Variants in TAF4B observed in about 807,000 individuals in gnomAD.
The protein encoded by TAF4B is TATA-box binding protein associated factor 4b.
In TAF4B, 38 loss-of-function variants were observed where a neutral mutation model predicts 86.4. The observed-to-expected ratio is 0.44, with a 90% CI of 0.34 to 0.58. TAF4B has a LOEUF of 0.58. TAF4B is among the 20% of genes least tolerant of loss of function. The pLI is 0.02. For missense variants in TAF4B, 988 were observed against 1,027.6 expected (o/e 0.96, Z 0.53); for synonymous variants, 388 against 391.2 (o/e 0.99, Z 0.10).
chr18:26,253,690 G>T (rs1218805473), intron 1 of TAF4B, among the ~76,000 whole-genome samples: 1 of 152,112 alleles, frequency 6.6e-6, no homozygotes, highest in East Asian at 1.9e-4. Flanking sequence ...GACCAGTGAA[G>T]TCATCTGGAC....
chr18:26,359,514 A>G (rs2057314315), intron 14 of TAF4B, among the ~76,000 whole-genome samples: 2 of 152,220 alleles, frequency 1.3e-5, no homozygotes, highest in African/African-American at 2.4e-5. Context: ...TAAATTATAT[A>G]GCATAGTAGA....
At chr18:26,227,314 C>T (rs778980713) in intron 1 of TAF4B, 38 bp downstream of exon 1, 2 of 1,577,428 alleles carry the variant, frequency 1.3e-6, no homozygotes, top group Non-Finnish European at 8.6e-7. Context: ...TCTGTCGGTC[C>T]AGCTGGCGGC....
intron 6 of TAF4B, among the ~76,000 whole-genome samples, chr18:26,282,486 T>A (rs919605250): frequency 6.6e-6 from 1 of 152,232 alleles, no homozygotes; most frequent in African/African-American, 2.4e-5. Flanking sequence ...CAATTACATA[T>A]GCTAATTAAA....
At chr18:26,325,363 A>G (rs1033043509) in intron 11 of TAF4B, among the ~76,000 whole-genome samples, 2 of 152,210 alleles carry the variant, frequency 1.3e-5, no homozygotes, top group African/African-American at 2.4e-5. Flanking sequence ...TGGCCTTAAC[A>G]TTGTAAAGCC....
At chr18:26,268,448 T>G (rs2056270157) in intron 3 of TAF4B, among the ~76,000 whole-genome samples, 1 of 152,194 alleles carries the variant, frequency 6.6e-6, no homozygotes. Context: ...CTAGATTCCC[T>G]TCCCCTCAAC....
At chr18:26,310,002 T>C (rs1462011448) in intron 9 of TAF4B, among the ~76,000 whole-genome samples, 1 of 152,038 alleles carries the variant, frequency 6.6e-6, no homozygotes, top group African/African-American at 2.4e-5. Flanking sequence ...TTTGTATTTT[T>C]AGTAGAGATG....
intron 9 of TAF4B, among the ~76,000 whole-genome samples, chr18:26,294,374 T>C (rs2056635057): frequency 6.6e-6 from 1 of 152,036 alleles, no homozygotes; most frequent in Non-Finnish European, 1.5e-5. Flanking sequence ...TTCTAATGGC[T>C]AAAGATGCTG....
chr18:26,315,095 A>ACTCACTCTCTCTCTCT (rs2056888500), intron 9 of TAF4B, 134 bp from the exon 10 acceptor site: 1 of 215,984 alleles, frequency 4.6e-6, no homozygotes, highest in African/African-American at 5.8e-5. Context: ...GCTCTCTGAA[A>ACTCACTCTCTCTCTCT]CTCTCTCTCT....
At chr18:26,261,518 A>C (rs982900661) in intron 1 of TAF4B, among the ~76,000 whole-genome samples, 4 of 152,168 alleles carry the variant, frequency 2.6e-5, no homozygotes, top group Non-Finnish European at 4.4e-5. Flanking sequence ...CATCTTTAGC[A>C]GGACTCTGTC....
At chr18:26,304,657 A>G (rs2056776086) in intron 9 of TAF4B, 1 of 932,884 alleles carries the variant, frequency 1.1e-6, no homozygotes, top group Admixed American at 6.2e-5. Context: ...TCTCAGATAC[A>G]CTTTTCCCAT....
In TAF4B at chr18:26,311,963, T is replaced by A. The variant is rs567773713; in HGVS notation, c.1833-3266T>A. ...ATTAGATCAGTTTCAGAAGCTAGAA[T>A]GCAAAGCATTTGTGATAAATTAGTG... is the stretch of plus-strand genomic sequence containing the variant. On this transcript the variant is annotated intron_variant, in intron 9 of 14. Transcript: ENST00000269142. Among the ~76,000 whole-genome samples the A allele has an allele frequency of 2.0e-5, 3 of 152,336 alleles. No individual in the cohort carries two copies. The South Asian group carries it at 6.2e-4, about 32-fold the overall frequency.
chr18:26,345,307 C>CCGGT (rs2057168063), intron 13 of TAF4B, among the ~76,000 whole-genome samples: 1 of 152,202 alleles, frequency 6.6e-6, no homozygotes, highest in African/African-American at 2.4e-5. Flanking sequence ...TGTCTTTAGA[C>CCGGT]CAGTCAGGCA....
At chr18:26,367,314 G>A (rs2057378562) in intron 14 of TAF4B, among the ~76,000 whole-genome samples, 1 of 152,220 alleles carries the variant, frequency 6.6e-6, no homozygotes, top group African/African-American at 2.4e-5. Context: ...AGAAACAGGG[G>A]AGTCAATGGT....
At chr18:26,265,081 G>T in intron 1 of TAF4B, 89 bp from the exon 2 acceptor site, 3 of 1,337,926 alleles carry the variant, frequency 2.2e-6, no homozygotes, top group Non-Finnish European at 3.1e-6. Flanking sequence ...TCTTTTTAAA[G>T]TGTTGAAAGA....
At chr18:26,304,166 C>A (rs562957689) in intron 9 of TAF4B, among the ~76,000 whole-genome samples, 1 of 78,412 alleles carries the variant, frequency 1.3e-5, no homozygotes, top group Non-Finnish European at 2.9e-5. Context: ...TATAGGTCGA[C>A]TGTTTTTTTT....
intron 12 of TAF4B, among the ~76,000 whole-genome samples, chr18:26,331,924 A>C (rs1451771283): frequency 6.6e-6 from 1 of 152,052 alleles, no homozygotes; most frequent in Non-Finnish European, 1.5e-5. Flanking sequence ...TTAAATGTAA[A>C]CTTCTTACCA....
At chr18:26,350,546 T>C (rs2057236543) in intron 13 of TAF4B, among the ~76,000 whole-genome samples, 1 of 152,176 alleles carries the variant, frequency 6.6e-6, no homozygotes, top group African/African-American at 2.4e-5. Context: ...TATGGTGGCA[T>C]AGGCCTGTAG....
chr18:26,352,797 C>A (rs948438078), intron 13 of TAF4B, among the ~76,000 whole-genome samples: 2 of 152,188 alleles, frequency 1.3e-5, no homozygotes, highest in African/African-American at 2.4e-5. Context: ...TAACAAATAA[C>A]TGTGCATAAG....
intron 12 of TAF4B, among the ~76,000 whole-genome samples, chr18:26,333,857 C>T (rs2144695807): frequency 6.6e-6 from 1 of 151,858 alleles, no homozygotes; most frequent in Middle Eastern, 3.4e-3. Context: ...ACTTTGTCTC[C>T]TTATATCATC....
Sources: gnomAD v4.1 joint callset for allele counts (sites outside exome capture counted in the v4.1 genomes callset) on GRCh38, gnomAD v4.1.1 for gene constraint, MANE v1.5 for transcripts, NCBI Gene and HGNC (gene_info 2026-07-23, HGNC 2026-07-21) for gene names.